NKAIN3: variants seen among roughly 807,000 people sequenced by gnomAD.
NKAIN3 encodes the protein sodium/potassium-transporting ATPase subunit beta-1-interacting protein 3.
Under a neutral mutation model 30.2 loss-of-function variants are expected in NKAIN3, and 25 were observed. The ratio of observed to expected loss-of-function variants is 0.83; its 90% CI spans 0.60 to 1.16. The LOEUF is 1.16. NKAIN3 is among the 50% of genes most tolerant of loss of function. The pLI, the probability that NKAIN3 is intolerant of heterozygous loss-of-function variation, is 0.00. For missense variants in NKAIN3, 225 were observed against 254.1 expected (o/e 0.89, Z 0.78); for synonymous variants, 91 against 89.6 (o/e 1.02, Z -0.09).
chr8:62,269,418 T>A (rs1415686147), intron 1 of NKAIN3, among the ~76,000 whole-genome samples: 1 of 152,158 alleles, frequency 6.6e-6, no homozygotes, highest in Non-Finnish European at 1.5e-5. Context: ...CCTAGAAAAT[T>A]GCTTTTGAGA....
At chr8:62,838,378 G>A (rs1336352775) in intron 4 of NKAIN3, among the ~76,000 whole-genome samples, 3 of 151,788 alleles carry the variant, frequency 2.0e-5, no homozygotes, top group Non-Finnish European at 4.4e-5. Flanking sequence ...TGTTCAAAGT[G>A]CTTCACTGAA....
chr8:62,535,487 C>T (rs151280794), intron 1 of NKAIN3, among the ~76,000 whole-genome samples: 48 of 152,182 alleles, frequency 3.2e-4, no homozygotes, highest in Middle Eastern at 3.4e-3. Flanking sequence ...AAGTTTGAGC[C>T]TCCAGAACTT....
intron 4 of NKAIN3, chr8:62,862,990 C>A: frequency 1.9e-6 from 1 of 520,370 alleles, no homozygotes; most frequent in Non-Finnish European, 3.5e-6. Flanking sequence ...CATGTGTATG[C>A]ATACATATGT....
At chr8:62,290,353 C>G (rs6472003) in intron 1 of NKAIN3, among the ~76,000 whole-genome samples, 5,344 of 152,212 alleles carry the variant, frequency 0.035, 340 homozygotes, top group African/African-American at 0.12. Context: ...AGTTTTTGCC[C>G]ATTCAGTATG....
intron 1 of NKAIN3, among the ~76,000 whole-genome samples, chr8:62,485,849 C>A (rs984454901): frequency 6.6e-6 from 1 of 152,154 alleles, no homozygotes; most frequent in African/African-American, 2.4e-5. Context: ...ATGAACCCTG[C>A]AGGAAAGTGT....
chr8:62,700,452 A>G (rs1814296783), intron 3 of NKAIN3, among the ~76,000 whole-genome samples: 1 of 152,254 alleles, frequency 6.6e-6, no homozygotes, highest in Non-Finnish European at 1.5e-5. Flanking sequence ...GAATTGCCTC[A>G]GGATAATTTC....
At chr8:62,274,079 CG>C (rs993878305) in intron 1 of NKAIN3, among the ~76,000 whole-genome samples, 3 of 152,030 alleles carry the variant, frequency 2.0e-5, no homozygotes, top group African/African-American at 7.2e-5. Flanking sequence ...ACCTGGAATT[CG>C]TGGGTTTATT....
chr8:62,833,698 CAAA>C lies in NKAIN3; in HGVS notation c.472-84747_472-84745del, dbSNP rs563003978. 5.7e-3 allele frequency among the ~76,000 whole-genome samples: 808 copies of C among 142,996 alleles called. 6 individuals are homozygous for C. Among genetic ancestry groups the C allele is most frequent in the African/African-American group, 0.02 (773 of 39,278 alleles). The allele number at this position is 142,996 out of a possible 152,430, so 93.8% of individuals were successfully genotyped here. ...GAATCAGTAGTAGAAAACCTACCAA[CAAA>C]AAAAAAAGCCCCACATGGATTCACA... On this transcript the variant is annotated intron_variant, in intron 4 of 6. Transcript: ENST00000623646.
At chr8:62,834,581 T>TAC (rs879579197) in intron 4 of NKAIN3, among the ~76,000 whole-genome samples, 7 of 150,818 alleles carry the variant, frequency 4.6e-5, no homozygotes, top group African/African-American at 9.7e-5. Flanking sequence ...TTATAATAAC[T>TAC]ACACACACAC....
At chr8:62,743,216 T>C (rs544885822) in intron 3 of NKAIN3, among the ~76,000 whole-genome samples, 2 of 152,208 alleles carry the variant, frequency 1.3e-5, no homozygotes, top group Non-Finnish European at 2.9e-5. Flanking sequence ...TCTTTTTCTG[T>C]ATAAAATGTT....
intron 3 of NKAIN3, among the ~76,000 whole-genome samples, chr8:62,738,214 G>A (rs1815740257): frequency 6.6e-6 from 1 of 152,130 alleles, no homozygotes. Flanking sequence ...CATTCTAACT[G>A]GTGTGAGATG....
At chr8:62,453,926 A>T (rs1015858842) in intron 1 of NKAIN3, among the ~76,000 whole-genome samples, 1 of 152,214 alleles carries the variant, frequency 6.6e-6, no homozygotes, top group Admixed American at 6.5e-5. Flanking sequence ...AGACAGATGC[A>T]TAGCTGAATT....
At position 62,626,996 on chromosome 8, in the gene NKAIN3, G is replaced by A. The variant is rs187797115; in HGVS notation, c.273+37202G>A. ...TGCACATGCTACAGCTCAAAGGAATGGTGCACTGGTAGCCAGAGCTAGGAA... is the reference window on the plus strand; with the variant it reads ...TGCACATGCTACAGCTCAAAGGAATAGTGCACTGGTAGCCAGAGCTAGGAA... On this transcript the variant is annotated intron_variant, in intron 3 of 6. Transcript: ENST00000623646. Among the ~76,000 whole-genome samples, 402 of 152,234 alleles carry A rather than the reference G, an allele frequency of 2.6e-3. 1 individual carries two copies. Among genetic ancestry groups the A allele is most frequent in the Non-Finnish European group, 4.5e-3 (307 of 67,996 alleles).
intron 4 of NKAIN3, among the ~76,000 whole-genome samples, chr8:62,859,755 C>T (rs115621692): frequency 0.011 from 1,627 of 152,076 alleles, 29 homozygotes; most frequent in African/African-American, 0.038. Flanking sequence ...ATAAGCTATT[C>T]GTGGGTCTCA....
At chr8:62,826,686 T>C (rs1041131331) in intron 4 of NKAIN3, among the ~76,000 whole-genome samples, 1 of 152,202 alleles carries the variant, frequency 6.6e-6, no homozygotes, top group Admixed American at 6.5e-5. Flanking sequence ...TAGTACCTGC[T>C]GTTTGGGTAG....
chr8:62,317,393 G>T (rs1167403839), intron 1 of NKAIN3, among the ~76,000 whole-genome samples: 2 of 152,144 alleles, frequency 1.3e-5, no homozygotes, highest in African/African-American at 2.4e-5. Context: ...TTCTTCTAGG[G>T]TTTTTATGGA....
At chr8:62,696,025 G>A (rs558816933) in intron 3 of NKAIN3, among the ~76,000 whole-genome samples, 125 of 152,050 alleles carry the variant, frequency 8.2e-4, no homozygotes, top group Non-Finnish European at 9.9e-4. Flanking sequence ...ATATAAAAAC[G>A]CAAAAATAAA....
At chr8:62,660,519 G>A (rs1812912848) in intron 3 of NKAIN3, among the ~76,000 whole-genome samples, 1 of 151,894 alleles carries the variant, frequency 6.6e-6, no homozygotes, top group African/African-American at 2.4e-5. Context: ...CGAAGACCCA[G>A]AAAACTTCAT....
intron 1 of NKAIN3, among the ~76,000 whole-genome samples, chr8:62,391,118 G>A (rs1226196974): frequency 2.0e-5 from 3 of 151,916 alleles, no homozygotes; most frequent in Non-Finnish European, 4.4e-5. Flanking sequence ...ATCTTTGCCC[G>A]TTCCTATGTC....
Sources: allele counts gnomAD v4.1 joint callset (sites outside exome capture counted in the v4.1 genomes callset), GRCh38; gene constraint gnomAD v4.1.1; transcripts MANE v1.5; gene names NCBI Gene and HGNC (gene_info 2026-07-23, HGNC 2026-07-21).